SMARCA2: variants seen among roughly 807,000 people sequenced by gnomAD.
The protein encoded by SMARCA2 is SWI/SNF-related matrix-associated actin-dependent regulator of chromatin subfamily A member 2.
SMARCA2 carries 61 observed loss-of-function variants against 199.8 expected under a neutral mutation model. The observed-to-expected ratio is 0.31, with a 90% CI of 0.25 to 0.38. SMARCA2 has a LOEUF of 0.38. SMARCA2 is among the 10% of genes least tolerant of loss of function. The pLI, the probability that SMARCA2 is intolerant of heterozygous loss-of-function variation, is 1.00. For missense variants in SMARCA2, 1,344 were observed against 2,012.2 expected, an observed-to-expected ratio of 0.67 and a Z score of 6.35; for synonymous variants, 935 against 732.0, an observed-to-expected ratio of 1.28 and a Z score of -4.48.
Position 2,123,793 on chromosome 9 carries a change from G to A in SMARCA2, c.3837G>A (p.Glu1279=), listed in dbSNP as rs759207053. 7 of 1,613,862 alleles carry A rather than the reference G, an allele frequency of 4.3e-6. No individual in the cohort carries two copies. In the Admixed American group the frequency reaches 6.7e-5, roughly 15 times the overall value. The stretch of plus-strand genomic sequence containing the variant: ...AGCCCCGTTTAATGGAGGAGGATGA[G>A]CTGCCCTCCTGGATCATTAAGGATG... The part of the protein sequence containing the change: ...KRKPRLMEED[E]LPSWIIKDDA... Residue 1279 remains glutamate, a synonymous_variant, in exon 27 of 34, where the codon GAG becomes GAA. Coordinates refer to ENST00000349721, the MANE Select transcript of SMARCA2 (RefSeq NM_003070.5). This position sits in a 1 kb window ranked among gnomAD's most constrained non-coding sequence, Gnocchi z 4.1.
At position 2,123,089 on chromosome 9, in the gene SMARCA2, A is replaced by G. The variant is rs1823536313; in HGVS notation, c.3763-630A>G. On this transcript the variant is annotated intron_variant, in intron 26 of 33. Transcript: ENST00000349721. This position sits in a 1 kb window ranked among gnomAD's most constrained non-coding sequence, Gnocchi z 4.1. ...TATATTCATAAGAGCACAAAGCTTA[A>G]AATGTAAAGAATTGAAGAGCATTCC... Among the ~76,000 whole-genome samples the G allele has an allele frequency of 6.6e-6, 1 of 152,238 alleles. No homozygotes were observed. Among genetic ancestry groups the G allele is most frequent in the Non-Finnish European group, 1.5e-5 (1 of 68,036 alleles).
At chr9:2,132,097 C>G (rs1823987554) in intron 27 of SMARCA2, among the ~76,000 whole-genome samples, 1 of 152,120 alleles carries the variant, frequency 6.6e-6, no homozygotes, top group Non-Finnish European at 1.5e-5. Context: ...CACAGGAAGC[C>G]AAACTGCTAA....
At chr9:2,109,278 C>A (rs1822886345) in intron 23 of SMARCA2, among the ~76,000 whole-genome samples, 1 of 152,000 alleles carries the variant, frequency 6.6e-6, no homozygotes, top group Non-Finnish European at 1.5e-5. Context: ...AGCCTTCTTT[C>A]AAAATTCAGC....
At position 2,161,561 on chromosome 9, in the gene SMARCA2, CT is replaced by C. The variant is rs907959195; in HGVS notation, c.3982-117del. On this transcript the variant is annotated intron_variant, in intron 27 of 33. Transcript: ENST00000349721. This position sits in a 1 kb window ranked among gnomAD's most constrained non-coding sequence, Gnocchi z 4.7. ...CTCCACTGATTACTGTTAACTTTTA[CT>C]TTTTTTTGGTTAATTTCTTTCATTT... is the stretch of plus-strand genomic sequence containing the variant. 50 of 676,842 alleles carry C rather than the reference CT, an allele frequency of 7.4e-5. No individual in the cohort carries two copies. The highest frequency in any genetic ancestry group is 1.0e-4 in the South Asian group (5 of 48,790). The allele number at this position is 676,842 out of a possible 1,614,324, so 41.9% of individuals were successfully genotyped here.
chr9:2,178,101 T>C (rs986668508), intron 29 of SMARCA2, among the ~76,000 whole-genome samples: 18 of 151,486 alleles, frequency 1.2e-4, no homozygotes, highest in African/African-American at 4.4e-4. Flanking sequence ...TACAAGGAGT[T>C]CAAACTACCA....
chr9:2,157,743 C>T (rs1825440802), intron 27 of SMARCA2: 2 of 392,540 alleles, frequency 5.1e-6, no homozygotes, highest in South Asian at 2.8e-4. Context: ...TTTGCGTGTC[C>T]CTGTTTACCT....
chr9:2,083,462 C>G, intron 16 of SMARCA2, 49 bp downstream of exon 16: 1 of 1,194,210 alleles, frequency 8.4e-7, no homozygotes, highest in Non-Finnish European at 1.2e-6. Context: ...AAAAAATAGA[C>G]CCTATTTTCT....
chr9:2,181,760 A>T, intron 30 of SMARCA2, 84 bp downstream of exon 30: 1 of 772,878 alleles, frequency 1.3e-6, no homozygotes, highest in Non-Finnish European at 2.3e-6. Context: ...GTTGGAGCTG[A>T]CCGCCACTGA....
chr9:2,176,945 A>C (rs1826653171), intron 29 of SMARCA2, among the ~76,000 whole-genome samples: 2 of 152,170 alleles, frequency 1.3e-5, no homozygotes, highest in Admixed American at 1.3e-4. Context: ...TCAAGGGTCT[A>C]GGTGATGATA....
Position 2,084,093 on chromosome 9 carries a change from C to A in SMARCA2, c.2423C>A (p.Pro808His). 1 of 1,602,560 alleles carries A rather than the reference C, an allele frequency of 6.2e-7. No homozygotes were observed. The highest frequency in any genetic ancestry group is 8.5e-7 in the Non-Finnish European group (1 of 1,169,656). The change falls in exon 17 of 34, where the codon CCT becomes CAT. Residue 808 changes from proline to histidine, a missense_variant. Transcript: ENST00000349721. Reference protein sequence around the residue: ...SVVKISYKGTPAMRRSLVPQL... With the variant: ...SVVKISYKGTHAMRRSLVPQL... ...TTTTTTCTTTCCATTCAGGGTACTC[C>A]TGCCATGCGTCGCTCCCTTGTCCCC...
At chr9:2,162,476 A>G (rs1825733990) in intron 28 of SMARCA2, among the ~76,000 whole-genome samples, 1 of 152,190 alleles carries the variant, frequency 6.6e-6, no homozygotes, top group South Asian at 2.1e-4. Flanking sequence ...GACTTTGAGA[A>G]AGCTGTGTGG....
rs1423320527 is a variant in SMARCA2, at chr9:2,192,993, T to C, written c.*254T>C. ...ATTGAAACAAACAAAAAGCTTTTGA[T>C]GGAAAATATGTGGGTGGATAGTATA... On this transcript the variant is annotated 3_prime_UTR_variant, in exon 34 of 34. Transcript: ENST00000349721. The C allele has an allele frequency of 2.2e-6, 1 of 461,978 alleles. No individual in the cohort carries two copies. The highest frequency in any genetic ancestry group is 3.8e-6 in the Non-Finnish European group (1 of 262,542). The allele number at this position is 461,978 out of a possible 1,614,324, so 28.6% of individuals were successfully genotyped here.
chr9:2,046,743 A>T (rs1196177657), intron 4 of SMARCA2, among the ~76,000 whole-genome samples: 1 of 150,914 alleles, frequency 6.6e-6, no homozygotes, highest in Non-Finnish European at 1.5e-5. Context: ...AATTTGCAAG[A>T]TGTGATTTTA....
intron 9 of SMARCA2, among the ~76,000 whole-genome samples, chr9:2,068,744 T>A (rs1307514012): frequency 6.6e-6 from 1 of 152,084 alleles, no homozygotes; most frequent in Non-Finnish European, 1.5e-5. Context: ...TCTCTCATTA[T>A]ACTATGCAGA....
rs542313490 is a variant in SMARCA2, at chr9:2,151,010, C to T, written c.3982-10676C>T. 7.0e-4 allele frequency among the ~76,000 whole-genome samples: 106 copies of T among 151,662 alleles called. 4 individuals carry two copies. The highest frequency in any genetic ancestry group is 2.6e-3 in the Admixed American group (40 of 15,240). On this transcript the variant is annotated intron_variant, in intron 27 of 33. Transcript: ENST00000349721. The stretch of plus-strand genomic sequence containing the variant: ...AAAGTCTTGGGGATTAGGACCTCAA[C>T]GTATGAATTTTAGAGGGATGCAGTT...
chr9:2,120,639 T>C (rs1823418204), intron 26 of SMARCA2, among the ~76,000 whole-genome samples: 1 of 152,060 alleles, frequency 6.6e-6, no homozygotes, highest in Admixed American at 6.6e-5. Context: ...TATTTTGGGG[T>C]TTTGTGTGTG....
intron 12 of SMARCA2, among the ~76,000 whole-genome samples, chr9:2,074,068 A>C (rs950396448): frequency 6.6e-6 from 1 of 152,176 alleles, no homozygotes; most frequent in Non-Finnish European, 1.5e-5. Context: ...AAAAAGGGCA[A>C]CGTGGGCTTG....
intron 9 of SMARCA2, among the ~76,000 whole-genome samples, chr9:2,065,607 C>T (rs901420787): frequency 9.9e-5 from 15 of 152,050 alleles, no homozygotes; most frequent in East Asian, 1.9e-4. Context: ...AATAGCCTGC[C>T]GTTGGCACAG....
At chr9:2,114,417 T>C (rs1823131654) in intron 24 of SMARCA2, among the ~76,000 whole-genome samples, 1 of 152,198 alleles carries the variant, frequency 6.6e-6, no homozygotes, top group Admixed American at 6.5e-5. Flanking sequence ...CTTCTTGTGC[T>C]ACAACAGGTG....
Sources: allele counts gnomAD v4.1 joint callset (sites outside exome capture counted in the v4.1 genomes callset), GRCh38; gene constraint gnomAD v4.1.1; non-coding constraint Gnocchi (gnomAD v3.1); transcripts MANE v1.5; gene names NCBI Gene and HGNC (gene_info 2026-07-23, HGNC 2026-07-21).